Variants in TIAM2 observed in about 807,000 individuals in gnomAD.
The protein encoded by TIAM2 is rho guanine nucleotide exchange factor TIAM2.
In TIAM2, 80 loss-of-function variants were observed where a neutral mutation model predicts 152.9. The ratio of observed to expected loss-of-function variants is 0.52; its 90% CI spans 0.44 to 0.63. The LOEUF is 0.63. Among genes scored for constraint, TIAM2 ranks in the 30% least tolerant of loss-of-function variants. TIAM2 has a pLI of 0.00. For synonymous variants in TIAM2, 804 were observed against 838.0 expected (o/e 0.96, Z 0.70); for missense variants, 1,965 against 2,120.1 (o/e 0.93, Z 1.44).
intron 14 of TIAM2, among the ~76,000 whole-genome samples, chr6:155,205,594 A>G (rs911560586): frequency 2.0e-5 from 3 of 152,192 alleles, no homozygotes; most frequent in African/African-American, 7.2e-5. Context: ...CTGGTTGAGT[A>G]GGGAGGAGGC....
intron 1 of TIAM2, among the ~76,000 whole-genome samples, chr6:155,039,967 A>AT (rs1776990564): frequency 1.3e-5 from 2 of 152,152 alleles, no homozygotes; most frequent in Non-Finnish European, 2.9e-5. Flanking sequence ...TAATGTAACC[A>AT]TTTTTTCCAA....
rs759334588 is a variant in TIAM2 at position 155,148,187 on chromosome 6, T to G, written c.1881T>G (p.His627Gln). 38 of 1,613,366 alleles carry G rather than the reference T, an allele frequency of 2.4e-5. No individual in the cohort carries two copies. Among genetic ancestry groups the G allele is most frequent in the Non-Finnish European group, 3.1e-5 (37 of 1,179,994 alleles). The change falls in exon 7 of 27, where the codon CAT (histidine) becomes CAG (glutamine). Residue 627 changes from histidine to glutamine, a missense_variant. By Grantham distance (24) the His-to-Gln change is conservative (BLOSUM62 0). This residue lies in a region of TIAM2 where 1,025 missense variants were observed against 1,119.4 expected (regional missense o/e 0.92). Coordinates refer to ENST00000682666, the MANE Select transcript of TIAM2 (RefSeq NM_012454.4). ...SACASLFAKKHGKEDTLRLLK... is the reference protein window; with the variant it reads ...SACASLFAKKQGKEDTLRLLK... The stretch of plus-strand genomic sequence containing the variant: ...GTGCATCCCTTTTTGCAAAGAAGCA[T>G]GGGAAAGAGGACACGCTGCGGCTGC...
At chr6:155,045,818 T>C (rs1319573085) in intron 1 of TIAM2, among the ~76,000 whole-genome samples, 1 of 151,724 alleles carries the variant, frequency 6.6e-6, no homozygotes, top group African/African-American at 2.4e-5. Flanking sequence ...CACTCATATT[T>C]TTTTCTTGGA....
chr6:155,132,005 A>G (rs950801385), intron 4 of TIAM2, among the ~76,000 whole-genome samples: 9 of 151,958 alleles, frequency 5.9e-5, no homozygotes, highest in Non-Finnish European at 5.9e-5. Context: ...TGATGAATAT[A>G]CTTCTGTATC....
At chr6:155,172,818 A>G (rs1780663277) in intron 9 of TIAM2, among the ~76,000 whole-genome samples, 1 of 150,160 alleles carries the variant, frequency 6.7e-6, no homozygotes, top group African/African-American at 2.4e-5. Context: ...AATTTAACAT[A>G]GCAGCATCTT....
chr6:155,110,141 C>A (rs939103109), intron 2 of TIAM2, among the ~76,000 whole-genome samples: 1 of 151,418 alleles, frequency 6.6e-6, no homozygotes, highest in Non-Finnish European at 1.5e-5. Context: ...TTAGTAGAGA[C>A]GGGGTTTCAC....
At chr6:155,169,460 A>G (rs941969882) in intron 9 of TIAM2, among the ~76,000 whole-genome samples, 2 of 152,242 alleles carry the variant, frequency 1.3e-5, no homozygotes, top group Non-Finnish European at 2.9e-5. Context: ...TTTTAAAATT[A>G]GTGACATGAC....
intron 1 of TIAM2, among the ~76,000 whole-genome samples, chr6:155,085,079 G>T (rs1778147571): frequency 6.6e-6 from 1 of 152,134 alleles, no homozygotes; most frequent in Non-Finnish European, 1.5e-5. Flanking sequence ...CACAGGAGGG[G>T]TTAAGGGAGA....
intron 7 of TIAM2, among the ~76,000 whole-genome samples, chr6:155,150,998 G>A (rs886158864): frequency 6.6e-6 from 1 of 152,188 alleles, no homozygotes; most frequent in Non-Finnish European, 1.5e-5. Flanking sequence ...CACAACTCTT[G>A]TTTTTCACCC....
At position 155,226,559 on chromosome 6, in the gene TIAM2, G is replaced by A. The variant is rs531986161; in HGVS notation, c.3169-13971G>A. Among the ~76,000 whole-genome samples the A allele has an allele frequency of 2.6e-5, 4 of 151,982 alleles. No homozygotes were observed. In the South Asian group the frequency reaches 8.3e-4, roughly 32 times the overall value. ...GCACGCCTGTAATCCCAGCTACTCA[G>A]GAGCCTGAGGCAGGAGAATCACTTG... On this transcript the variant is annotated intron_variant, in intron 15 of 26. Transcript: ENST00000682666.
At chr6:155,211,374 A>G (rs1241531762) in intron 15 of TIAM2, 67 bp downstream of exon 15, 21 of 1,296,558 alleles carry the variant, frequency 1.6e-5, no homozygotes, top group Non-Finnish European at 2.1e-5. Context: ...ACCTTTACCT[A>G]AGGTGGGGAA....
intron 1 of TIAM2, among the ~76,000 whole-genome samples, chr6:155,043,666 A>C (rs1777097695): frequency 7.0e-6 from 1 of 142,180 alleles, no homozygotes; most frequent in Admixed American, 7.0e-5. Context: ...AAGGATCTGT[A>C]AGGCAAGGAT....
rs1278115596 is a variant in TIAM2 at position 155,045,068 on chromosome 6, T to TC, written c.-208-45221_-208-45220insC. Among the ~76,000 whole-genome samples, 357 of 143,854 alleles carry TC rather than the reference T, an allele frequency of 2.5e-3. 3 individuals are homozygous for TC. The highest frequency in any genetic ancestry group is 8.2e-3 in the African/African-American group (328 of 40,232). 94.4% of individuals were successfully genotyped at this position (143,854 alleles called of 152,430 possible). A position where few individuals can be genotyped will look rare whatever the true frequency, so the allele number is the denominator to read the frequency against. ...TCTTTTTCTTTTTTTTTTTTTTTTT[T>TC]GAGACAGAGTCTAGCACTGTTGCCT... On this transcript the variant is annotated intron_variant, in intron 1 of 26. Transcript: ENST00000682666.
intron 1 of TIAM2, among the ~76,000 whole-genome samples, chr6:155,011,909 A>G (rs1157476580): frequency 6.6e-6 from 1 of 152,188 alleles, no homozygotes; most frequent in Non-Finnish European, 1.5e-5. Context: ...TAGCTACTGT[A>G]TGCTTGGAAA....
At chr6:155,036,267 T>A (rs977977417) in intron 1 of TIAM2, among the ~76,000 whole-genome samples, 6 of 152,090 alleles carry the variant, frequency 3.9e-5, no homozygotes, top group Non-Finnish European at 8.8e-5. Flanking sequence ...GTGTGGTGGC[T>A]CATGCCTGTA....
rs1280397077 is a variant in TIAM2 at position 155,211,255 on chromosome 6, A to G, written c.3116A>G (p.Asp1039Gly). ...ACAGGTCTGAAAAGGAGTCAGACAG[A>G]TGGCACTCTGGATCAGGTTTCCCAC... is the stretch of plus-strand genomic sequence containing the variant. ...ITTGLKRSQT[D>G]GTLDQVSHRE... is the part of the protein sequence containing the mutation. The change falls in exon 15 of 27, where the codon GAT becomes GGT. Residue 1039 changes from aspartate (D) to glycine (G), a missense_variant. Physicochemically the swap from Asp to Gly is moderately conservative, Grantham distance 94 (BLOSUM62 -1). Transcript: ENST00000682666. 1.2e-6 allele frequency: 2 copies of G among 1,613,564 alleles called. No individual in the cohort carries two copies. Among genetic ancestry groups the G allele is most frequent in the Admixed American group, 3.3e-5 (2 of 59,978 alleles).
At chr6:155,161,713 G>A (rs1377677692) in intron 7 of TIAM2, among the ~76,000 whole-genome samples, 8 of 149,670 alleles carry the variant, frequency 5.3e-5, no homozygotes, top group East Asian at 2.0e-4. Flanking sequence ...GATTACAGGC[G>A]TGTGCCACCA....
At chr6:155,016,233 G>A (rs527969417) in intron 1 of TIAM2, 2 of 152,288 alleles carry the variant, frequency 1.3e-5, no homozygotes, top group East Asian at 3.9e-4. Context: ...TTGCAGCATT[G>A]TTTGTAGTGG....
At chr6:155,062,333 T>A (rs1326163287) in intron 1 of TIAM2, among the ~76,000 whole-genome samples, 1 of 152,158 alleles carries the variant, frequency 6.6e-6, no homozygotes, top group Non-Finnish European at 1.5e-5. Context: ...ATAATCTTTT[T>A]AATTCACTTG....
Sources: gnomAD v4.1 joint callset for allele counts (sites outside exome capture counted in the v4.1 genomes callset) on GRCh38, gnomAD v4.1.1 for gene constraint, gnomAD v4.1.1 regional missense constraint, MANE v1.5 for transcripts, NCBI Gene and HGNC (gene_info 2026-07-23, HGNC 2026-07-21) for gene names.